The following ANKRD13D variants were observed in gnomAD, a reference collection of about 807,000 sequenced individuals.
ANKRD13D encodes the protein ankyrin repeat domain 13D.
Under a neutral mutation model 68.8 loss-of-function variants are expected in ANKRD13D, and 24 were observed. That is an observed-to-expected ratio of 0.35 (90% CI 0.25 to 0.49). The LOEUF is 0.49. Ranked by LOEUF, ANKRD13D falls within the 20% of genes least tolerant of loss-of-function variation. The pLI is 0.99. For synonymous variants in ANKRD13D, 331 were observed against 336.1 expected (o/e 0.98, Z 0.16); for missense variants, 735 against 832.1 (o/e 0.88, Z 1.44).
chr11:67,291,560 G>GGGCCTTTGGAA (rs1565075680), intron 4 of ANKRD13D, 39 bp downstream of exon 4: 1 of 1,613,720 alleles, frequency 6.2e-7, no homozygotes, highest in African/African-American at 1.3e-5. Context: ...ATTTGGGGTG[G>GGGCCTTTGGAA]GGCCTTTGGA....
At position 67,299,523 on chromosome 11, in the gene ANKRD13D, T is replaced by A; in HGVS notation, c.799-7T>A. On this transcript the variant is annotated splice_polypyrimidine_tract_variant and splice_region_variant and intron_variant, in intron 7 of 14. Transcript: ENST00000511455. The surrounding 1 kb of genome is among the most constrained non-coding windows in gnomAD (Gnocchi z 6.2). ...GCCCCCAGCTCCCCGTGTCCCCTGC[T>A]CCCCAGGTGTACAGTGCCACCAACG... is the stretch of plus-strand genomic sequence containing the variant. 3 of 1,550,280 alleles carry A rather than the reference T, an allele frequency of 1.9e-6. No homozygotes were observed. Among genetic ancestry groups the A allele is most frequent in the Non-Finnish European group, 2.6e-6 (3 of 1,146,608 alleles).
rs770424235 is a variant in ANKRD13D at position 67,301,663 on chromosome 11, C to G, written c.1512+12C>G. The G allele has an allele frequency of 6.2e-7, 1 of 1,611,364 alleles. No homozygotes were observed. Among genetic ancestry groups the G allele is most frequent in the South Asian group, 1.1e-5 (1 of 90,980 alleles). On this transcript the variant is annotated intron_variant, in intron 13 of 14. Transcript: ENST00000511455. The surrounding 1 kb of genome is among the most constrained non-coding windows in gnomAD (Gnocchi z 4.5). Reference sequence around the variant, plus strand: ...CTGAGGCGGAGCAGGTGGGACTTGCCCAGGGGGTGGGCTCTGGCCTCTGCA... The same window carrying G: ...CTGAGGCGGAGCAGGTGGGACTTGCGCAGGGGGTGGGCTCTGGCCTCTGCA...
intron 3 of ANKRD13D, 83 bp downstream of exon 3, chr11:67,290,529 GCA>G: frequency 6.7e-7 from 1 of 1,485,634 alleles, no homozygotes; most frequent in African/African-American, 1.4e-5. Flanking sequence ...CCTTGGAAAG[GCA>G]CCCAGTTTGT....
At position 67,301,175 on chromosome 11, in the gene ANKRD13D, G is replaced by A; in HGVS notation, c.1231+28G>A. 3 of 1,609,536 alleles carry A rather than the reference G, an allele frequency of 1.9e-6. No individual in the cohort carries two copies. Among genetic ancestry groups the A allele is most frequent in the Non-Finnish European group, 2.5e-6 (3 of 1,177,388 alleles). ...GAGAGGCTGGGCACAGGCAGCGGGA[G>A]GACCTCAGGCATGGCACCCTCCCTC... On this transcript the variant is annotated intron_variant, in intron 11 of 14. Transcript: ENST00000511455. This position sits in a 1 kb window ranked among gnomAD's most constrained non-coding sequence, Gnocchi z 4.5.
intron 6 of ANKRD13D, among the ~76,000 whole-genome samples, chr11:67,293,485 T>A (rs180690336): frequency 1.3e-5 from 2 of 152,330 alleles, no homozygotes; most frequent in East Asian, 3.9e-4. Flanking sequence ...GATCCTTTAC[T>A]CATTTTTTAT....
Position 67,290,343 on chromosome 11 carries a change from C to G in ANKRD13D, c.248C>G (p.Thr83Ser). ...GWAVLQEAVSTGDPEMVQLVL... is the reference protein window; with the variant it reads ...GWAVLQEAVSSGDPEMVQLVL... ...GCAGTCCTGCAGGAGGCAGTCAGCACTGGAGACCCCGAGATGGTGCAGCTG... is the reference window on the plus strand; with the variant it reads ...GCAGTCCTGCAGGAGGCAGTCAGCAGTGGAGACCCCGAGATGGTGCAGCTG... Residue 83 changes from threonine (T) to serine (S), a missense_variant, in exon 3 of 15, where the codon ACT becomes AGT. Physicochemically the swap from Thr to Ser is moderately conservative, Grantham distance 58. Coordinates refer to ENST00000511455, the MANE Select transcript of ANKRD13D (RefSeq NM_207354.3). 1 of 1,561,588 alleles carries G rather than the reference C, an allele frequency of 6.4e-7. No homozygotes were observed. Among genetic ancestry groups the G allele is most frequent in the Non-Finnish European group, 8.7e-7 (1 of 1,152,956 alleles).
At chr11:67,297,031 A>C (rs11601700) in intron 6 of ANKRD13D, among the ~76,000 whole-genome samples, 110,449 of 151,802 alleles carry the variant, frequency 0.73, 46,056 homozygotes, top group South Asian at 0.94. Flanking sequence ...TTTCTCTATT[A>C]TTTTTCTATT....
At position 67,301,479 on chromosome 11, in the gene ANKRD13D, C is replaced by T; in HGVS notation, c.1349-9C>T. ...CGGGTTGAGCGTGGCCCCTCTGCCA[C>T]CTGCCTAGGGAACCCTTTCCCGTGC... On this transcript the variant is annotated splice_polypyrimidine_tract_variant and intron_variant, in intron 12 of 14. Coordinates refer to ENST00000511455, the MANE Select transcript of ANKRD13D (RefSeq NM_207354.3). The surrounding 1 kb of genome is among the most constrained non-coding windows in gnomAD (Gnocchi z 4.5). 2 of 1,611,222 alleles carry T rather than the reference C, an allele frequency of 1.2e-6. No individual in the cohort carries two copies. The highest frequency in any genetic ancestry group is 1.7e-6 in the Non-Finnish European group (2 of 1,178,622).
chr11:67,301,785 C>A lies in ANKRD13D; in HGVS notation c.1566C>A (p.Pro522=). The A allele has an allele frequency of 6.2e-7, 1 of 1,608,944 alleles. No homozygotes were observed. Among genetic ancestry groups the A allele is most frequent in the East Asian group, 2.2e-5 (1 of 44,758 alleles). Residue 522 remains proline (P), a synonymous_variant, in exon 14 of 15, where the codon CCC becomes CCA. Transcript: ENST00000511455. This position sits in a 1 kb window ranked among gnomAD's most constrained non-coding sequence, Gnocchi z 4.5. ...TNTRPGARPP[P]QATVYEEQLQ... is the part of the protein sequence containing the mutation. The stretch of plus-strand genomic sequence containing the variant: ...CCCGGCCCGGTGCCCGCCCTCCTCC[C>A]CAGGCCACGGTTTATGAGGAACAGC...
Position 67,301,185 on chromosome 11 carries a change from C to G in ANKRD13D, c.1231+38C>G. 6.2e-7 allele frequency: 1 copy of G among 1,606,480 alleles called. No individual in the cohort carries two copies. The highest frequency in any genetic ancestry group is 8.5e-7 in the Non-Finnish European group (1 of 1,175,722). On this transcript the variant is annotated intron_variant, in intron 11 of 14. Coordinates refer to ENST00000511455, the MANE Select transcript of ANKRD13D (RefSeq NM_207354.3). This position sits in a 1 kb window ranked among gnomAD's most constrained non-coding sequence, Gnocchi z 4.5. ...GCACAGGCAGCGGGAGGACCTCAGG[C>G]ATGGCACCCTCCCTCAGCGCAGTCC...
chr11:67,290,694 A>T, intron 3 of ANKRD13D: 2 of 487,530 alleles, frequency 4.1e-6, no homozygotes, highest in South Asian at 6.8e-5. Flanking sequence ...AAGAATGCAG[A>T]TTACCTGGAG....
chr11:67,302,093 C>G, intron 14 of ANKRD13D, 26 bp from the exon 15 acceptor site: 1 of 1,519,108 alleles, frequency 6.6e-7, no homozygotes, highest in Non-Finnish European at 8.8e-7. Context: ...CTGGCCTGTT[C>G]TTCCCTCCCC....
intron 3 of ANKRD13D, chr11:67,291,105 C>G (rs1015112041): frequency 2.6e-5 from 7 of 268,250 alleles, no homozygotes; most frequent in Admixed American, 1.0e-4. Context: ...CTCCTGTAAT[C>G]CCAGCGCTTT....
In ANKRD13D at chr11:67,289,486, C is replaced by T; in HGVS notation, c.26C>T (p.Pro9Leu). The change falls in exon 1 of 15, where the codon CCG becomes CTG. Residue 9 changes from proline to leucine, a missense_variant. Coordinates refer to ENST00000511455, the MANE Select transcript of ANKRD13D (RefSeq NM_207354.3). MAGPGPTF[P>L]LHRLVWANRH... ...ATGGCCGGCCCGGGCCCCACCTTCC[C>T]GCTGCACCGGCTCGTCTGGGCGAAC... 1 of 1,513,898 alleles carries T rather than the reference C, an allele frequency of 6.6e-7. No individual in the cohort carries two copies. The highest frequency in any genetic ancestry group is 8.8e-7 in the Non-Finnish European group (1 of 1,138,812). 93.8% of individuals were successfully genotyped at this position (1,513,898 alleles called of 1,614,324 possible).
chr11:67,296,376 T>C (rs1019853587), intron 6 of ANKRD13D, among the ~76,000 whole-genome samples: 1 of 151,926 alleles, frequency 6.6e-6, no homozygotes, highest in Non-Finnish European at 1.5e-5. Flanking sequence ...TATGTGTGTA[T>C]AGTTTTTTGT....
chr11:67,292,808 C>T (rs1386194051), intron 6 of ANKRD13D, among the ~76,000 whole-genome samples: 1 of 152,164 alleles, frequency 6.6e-6, no homozygotes, highest in African/African-American at 2.4e-5. Context: ...TAACTCTTCG[C>T]CAAACTTCTT....
Position 67,289,350 on chromosome 11 carries a change from T to TGCTGCGGGG in ANKRD13D, c.-108_-100dup. The TGCTGCGGGG allele has an allele frequency of 1.4e-6, 1 of 723,486 alleles. No individual in the cohort carries two copies. Among genetic ancestry groups the TGCTGCGGGG allele is most frequent in the Non-Finnish European group, 1.7e-6 (1 of 572,480 alleles). 44.8% of individuals were successfully genotyped at this position (723,486 alleles called of 1,614,324 possible). ...CCGCCGCCGCCGCCGCCGCCGCTACTGCTGCGGGGGCCGCGGGGGGCGCAG... is the reference window on the plus strand; with the variant it reads ...CCGCCGCCGCCGCCGCCGCCGCTACTGCTGCGGGGGCTGCGGGGGCCGCGGGGGGCGCAG... On this transcript the variant is annotated 5_prime_UTR_variant, in exon 1 of 15. Transcript: ENST00000511455.
chr11:67,297,689 C>A (rs1352199301), intron 6 of ANKRD13D, among the ~76,000 whole-genome samples: 1 of 151,842 alleles, frequency 6.6e-6, no homozygotes, highest in African/African-American at 2.4e-5. Flanking sequence ...CCACGCCCGG[C>A]TAATTTTTTG....
At chr11:67,291,963 C>G in intron 5 of ANKRD13D, 28 bp from the exon 6 acceptor site, 1 of 1,551,524 alleles carries the variant, frequency 6.4e-7, no homozygotes, top group Non-Finnish European at 8.7e-7. Flanking sequence ...GATTTGCGCC[C>G]CCTCTGTCCA....
Sources: allele counts gnomAD v4.1 joint callset (sites outside exome capture counted in the v4.1 genomes callset), GRCh38; gene constraint gnomAD v4.1.1; non-coding constraint Gnocchi (gnomAD v3.1); transcripts MANE v1.5; gene names NCBI Gene and HGNC (gene_info 2026-07-23, HGNC 2026-07-21).